The following RERE variants were observed in gnomAD, a reference collection of about 807,000 sequenced individuals.
RERE encodes the protein arginine-glutamic acid dipeptide repeats protein.
In RERE, 40 loss-of-function variants were observed where a neutral mutation model predicts 146.1. The ratio of observed to expected loss-of-function variants is 0.27; its 90% CI spans 0.21 to 0.36. The LOEUF (loss-of-function observed/expected upper bound fraction) is 0.36, where lower values mean the gene tolerates loss of function less well. Ranked by LOEUF, RERE falls within the 10% of genes least tolerant of loss-of-function variation. The pLI is 1.00. For synonymous variants in RERE, 1,003 were observed against 866.0 expected (o/e 1.16, Z -2.78); for missense variants, 1,933 against 2,138.7 (o/e 0.90, Z 1.90).
At chr1:8,588,136 G>C (rs1646449514) in intron 4 of RERE, among the ~76,000 whole-genome samples, 1 of 152,280 alleles carries the variant, frequency 6.6e-6, no homozygotes, top group South Asian at 2.1e-4. Context: ...TTGATAGGCA[G>C]ACTAATTCAT....
chr1:8,493,869 A>G (rs1245215286), intron 10 of RERE, among the ~76,000 whole-genome samples: 1 of 152,236 alleles, frequency 6.6e-6, no homozygotes, highest in Non-Finnish European at 1.5e-5. Flanking sequence ...AAATATCATT[A>G]GCTCTTCAGA....
chr1:8,624,824 GAAAT>G (rs1199232272), intron 2 of RERE, among the ~76,000 whole-genome samples: 1 of 152,228 alleles, frequency 6.6e-6, no homozygotes, highest in East Asian at 1.9e-4. Context: ...ATTTTGTGAG[GAAAT>G]AAATGAAATA....
rs979885905 is a variant in RERE, at chr1:8,354,372, G to A, written c.*715C>T. On this transcript the variant is annotated 3_prime_UTR_variant, in exon 23 of 23. Transcript: ENST00000400908. ...GGCCTCGGTCCAAGCCTCTGTCCAT[G>A]TGGAACGCCCCTTTGCTCCCTTTAA... 6.6e-6 allele frequency: 1 copy of A among 152,636 alleles called. No individual in the cohort carries two copies. The highest frequency in any genetic ancestry group is 1.9e-4 in the East Asian group (1 of 5,196). The allele number at this position is 152,636 out of a possible 1,614,324, so 9.5% of individuals were successfully genotyped here. A position where few individuals can be genotyped will look rare whatever the true frequency, so the allele number is the denominator to read the frequency against.
chr1:8,413,223 G>A (rs1357282412), intron 12 of RERE, among the ~76,000 whole-genome samples: 1 of 152,112 alleles, frequency 6.6e-6, no homozygotes, highest in Non-Finnish European at 1.5e-5. Flanking sequence ...TGCCCAGAAG[G>A]CTTTATATTC....
chr1:8,764,469 T>A (rs539645438), intron 1 of RERE, among the ~76,000 whole-genome samples: 2 of 152,296 alleles, frequency 1.3e-5, no homozygotes, highest in Admixed American at 1.3e-4. Flanking sequence ...AGTCATCCAG[T>A]CAATCCCATG....
intron 1 of RERE, among the ~76,000 whole-genome samples, chr1:8,777,396 G>A (rs1641084532): frequency 6.6e-6 from 1 of 151,938 alleles, no homozygotes; most frequent in African/African-American, 2.4e-5. Context: ...CCCAAGCCTA[G>A]GTTTAATTTT....
chr1:8,572,964 T>C (rs981151927), intron 4 of RERE, among the ~76,000 whole-genome samples: 4 of 152,232 alleles, frequency 2.6e-5, no homozygotes, highest in South Asian at 2.1e-4. Flanking sequence ...TGACCTGATA[T>C]GTCATATACA....
chr1:8,730,322 T>A (rs1264048089), intron 1 of RERE, among the ~76,000 whole-genome samples: 1 of 151,966 alleles, frequency 6.6e-6, no homozygotes, highest in Non-Finnish European at 1.5e-5. Context: ...ATTTCCCCCA[T>A]TTGTTTTTGG....
At chr1:8,494,918 C>A in intron 10 of RERE, 145 bp downstream of exon 10, 1 of 634,844 alleles carries the variant, frequency 1.6e-6, no homozygotes, top group Non-Finnish European at 2.9e-6. Context: ...TGGCCTGGAG[C>A]CCCCATGGCA....
At chr1:8,553,911 C>T (rs573938535) in intron 6 of RERE, among the ~76,000 whole-genome samples, 147 of 152,316 alleles carry the variant, frequency 9.7e-4, no homozygotes, top group African/African-American at 3.3e-3. Flanking sequence ...GACGTGGTGG[C>T]TCATGCCTGT....
intron 10 of RERE, among the ~76,000 whole-genome samples, chr1:8,473,216 T>C (rs919966269): frequency 6.6e-5 from 10 of 152,224 alleles, no homozygotes. Context: ...TCTTTCCCTA[T>C]GTGGTGTCTA....
At chr1:8,762,832 G>A (rs903715585) in intron 1 of RERE, among the ~76,000 whole-genome samples, 4 of 152,152 alleles carry the variant, frequency 2.6e-5, no homozygotes, top group Non-Finnish European at 5.9e-5. Flanking sequence ...CAAGGCTTAT[G>A]GAGAAACTAC....
chr1:8,596,869 C>T (rs913572540), intron 4 of RERE, among the ~76,000 whole-genome samples: 3 of 152,098 alleles, frequency 2.0e-5, no homozygotes, highest in African/African-American at 7.2e-5. Context: ...GCGTGTCTAT[C>T]TTTGGAAACA....
intron 7 of RERE, among the ~76,000 whole-genome samples, chr1:8,540,752 A>G (rs186897275): frequency 6.6e-6 from 1 of 152,194 alleles, no homozygotes; most frequent in African/African-American, 2.4e-5. Context: ...GTCTTACTAA[A>G]GATATTTCAG....
At chr1:8,624,218 C>T (rs1646948788) in intron 3 of RERE, 92 bp downstream of exon 3, 1 of 1,034,206 alleles carries the variant, frequency 9.7e-7, no homozygotes, top group Non-Finnish European at 1.5e-6. Context: ...GTAACCACGT[C>T]AACAGCGATG....
At chr1:8,574,494 G>A (rs982151265) in intron 4 of RERE, among the ~76,000 whole-genome samples, 7 of 151,846 alleles carry the variant, frequency 4.6e-5, no homozygotes, top group African/African-American at 1.4e-4. Flanking sequence ...ACAGGCGCCC[G>A]CCACCACGCC....
At chr1:8,359,021 A>G (rs1641437936) in intron 19 of RERE, 105 bp from the exon 20 acceptor site, 1 of 1,374,816 alleles carries the variant, frequency 7.3e-7, no homozygotes, top group Non-Finnish European at 9.5e-7. Flanking sequence ...CTGCTCTGAC[A>G]GGCCAACCTG....
At chr1:8,745,372 C>T (rs1018057144) in intron 1 of RERE, among the ~76,000 whole-genome samples, 3 of 152,154 alleles carry the variant, frequency 2.0e-5, no homozygotes, top group African/African-American at 7.2e-5. Context: ...ATAAATTAAA[C>T]AGGCTCAGGT....
At chr1:8,764,969 A>AC (rs750031735) in intron 1 of RERE, among the ~76,000 whole-genome samples, 4 of 152,140 alleles carry the variant, frequency 2.6e-5, no homozygotes, top group Non-Finnish European at 4.4e-5. Flanking sequence ...GAGGTTCCAT[A>AC]CCCCCCAAAA....
Sources: allele counts gnomAD v4.1 joint callset (sites outside exome capture counted in the v4.1 genomes callset), GRCh38; gene constraint gnomAD v4.1.1; transcripts MANE v1.5; gene names NCBI Gene and HGNC (gene_info 2026-07-23, HGNC 2026-07-21).